Variants in CDH2 observed in about 807,000 individuals in gnomAD.
CDH2 encodes cadherin 2.
Under a neutral mutation model 92.0 loss-of-function variants are expected in CDH2, and 17 were observed. The observed-to-expected ratio is 0.18, with a 90% CI of 0.13 to 0.28. The LOEUF is 0.28. CDH2 is among the 10% of genes least tolerant of loss of function. CDH2 has a pLI of 1.00. For synonymous variants in CDH2, 419 were observed against 415.9 expected (o/e 1.01, Z -0.09); for missense variants, 862 against 1,133.1 (o/e 0.76, Z 3.44).
In CDH2 at chr18:28,003,162, A is replaced by G. The variant is rs1450483151; in HGVS notation, c.855T>C (p.Tyr285=). The change falls in exon 7 of 16, where the codon TAT becomes TAC. Residue 285 remains tyrosine (Y), a synonymous_variant. Transcript: ENST00000269141. Reference sequence around the variant, plus strand: ...CATCAATTGCTGTTACGGTCATCACATATGTTCCTAGAGACAGTGTACATG... The same window carrying G: ...CATCAATTGCTGTTACGGTCATCACGTATGTTCCTAGAGACAGTGTACATG... ...TVPEGSKPGT[Y]VMTVTAIDAD... is the part of the protein sequence containing the mutation. The G allele has an allele frequency of 3.7e-6, 6 of 1,613,582 alleles. No individual in the cohort carries two copies. Among genetic ancestry groups the G allele is most frequent in the Non-Finnish European group, 2.5e-6 (3 of 1,179,552 alleles).
intron 6 of CDH2, among the ~76,000 whole-genome samples, chr18:28,004,162 G>A (rs1385715238): frequency 1.3e-5 from 2 of 152,040 alleles, no homozygotes; most frequent in African/African-American, 2.4e-5. Flanking sequence ...AAAACCTTCA[G>A]TGTGTACTTC....
At chr18:28,110,013 G>T (rs2015384654) in intron 2 of CDH2, among the ~76,000 whole-genome samples, 2 of 152,154 alleles carry the variant, frequency 1.3e-5, no homozygotes, top group Non-Finnish European at 2.9e-5. Context: ...GTCATGGCAA[G>T]AGCATACAAA....
intron 14 of CDH2, 143 bp from the exon 15 acceptor site, chr18:27,963,664 A>ATGT (rs770682891): frequency 5.5e-5 from 35 of 638,260 alleles, no homozygotes; most frequent in Non-Finnish European, 8.4e-5. Flanking sequence ...TGAGTTTTTC[A>ATGT]TGTTATGATT....
At chr18:28,030,328 T>TA in intron 2 of CDH2, among the ~76,000 whole-genome samples, 1 of 152,022 alleles carries the variant, frequency 6.6e-6, no homozygotes, top group African/African-American at 2.4e-5. Context: ...ATTTTTTGTC[T>TA]AAAAAAAGGA....
intron 1 of CDH2, among the ~76,000 whole-genome samples, chr18:28,152,067 A>T (rs1199926069): frequency 6.6e-6 from 1 of 152,226 alleles, no homozygotes; most frequent in Non-Finnish European, 1.5e-5. Flanking sequence ...CCAGACAAAA[A>T]TAATGGCAGC....
intron 2 of CDH2, among the ~76,000 whole-genome samples, chr18:28,082,311 T>A (rs1425292112): frequency 6.6e-6 from 1 of 152,036 alleles, no homozygotes; most frequent in Non-Finnish European, 1.5e-5. Context: ...CTCTGGAGGC[T>A]GAGGTGGGAG....
chr18:28,164,563 T>C (rs1019068219), intron 1 of CDH2, among the ~76,000 whole-genome samples: 1 of 152,100 alleles, frequency 6.6e-6, no homozygotes, highest in Non-Finnish European at 1.5e-5. Flanking sequence ...ATGGTACCAT[T>C]ACACTCAACC....
intron 2 of CDH2, among the ~76,000 whole-genome samples, chr18:28,041,037 A>C (rs2013938206): frequency 6.6e-6 from 1 of 152,224 alleles, no homozygotes; most frequent in Admixed American, 6.5e-5. Flanking sequence ...CTGTGATTCC[A>C]AATCCTGGTA....
chr18:27,942,691 C>T (rs1909169581), intron 6 of CDH2, among the ~76,000 whole-genome samples: 1 of 152,200 alleles, frequency 6.6e-6, no homozygotes, highest in African/African-American at 2.4e-5. Context: ...TGAGTTTCTG[C>T]TAGCAGACTA....
intron 2 of CDH2, among the ~76,000 whole-genome samples, chr18:28,145,488 C>T (rs1358159351): frequency 1.3e-5 from 2 of 152,008 alleles, no homozygotes; most frequent in South Asian, 2.1e-4. Context: ...ACACAGAATT[C>T]ATAGATATAA....
At chr18:28,077,847 C>T (rs896607208) in intron 2 of CDH2, among the ~76,000 whole-genome samples, 5 of 123,540 alleles carry the variant, frequency 4.0e-5, no homozygotes, top group Admixed American at 1.0e-4. Flanking sequence ...GCTGAGATTG[C>T]GTCACTGCAC....
chr18:28,173,843 A>G (rs2016498662), intron 1 of CDH2, among the ~76,000 whole-genome samples: 2 of 152,208 alleles, frequency 1.3e-5, no homozygotes, highest in Non-Finnish European at 2.9e-5. Context: ...AAACCTATGT[A>G]AAGATTTGAA....
At chr18:27,982,676 T>C (rs2012093414) in intron 14 of CDH2, among the ~76,000 whole-genome samples, 1 of 152,058 alleles carries the variant, frequency 6.6e-6, no homozygotes, top group Admixed American at 6.6e-5. Context: ...CTGTAAAGTA[T>C]ATTTATCATT....
At chr18:28,011,585 C>T (rs1472499624) in intron 4 of CDH2, among the ~76,000 whole-genome samples, 1 of 152,098 alleles carries the variant, frequency 6.6e-6, no homozygotes, top group Admixed American at 6.6e-5. Flanking sequence ...GGCTTTAGGG[C>T]TTGTGTAGTC....
At chr18:27,940,938 G>A (rs1478612936) in intron 6 of CDH2, among the ~76,000 whole-genome samples, 1 of 151,792 alleles carries the variant, frequency 6.6e-6, no homozygotes, top group Non-Finnish European at 1.5e-5. Flanking sequence ...TCTCTGGGTT[G>A]TGCCATCAGT....
intron 2 of CDH2, among the ~76,000 whole-genome samples, chr18:28,131,255 T>C (rs2015764693): frequency 6.6e-6 from 1 of 152,100 alleles, no homozygotes; most frequent in African/African-American, 2.4e-5. Context: ...TACTAAAACA[T>C]ACAACTGCTA....
intron 1 of CDH2, among the ~76,000 whole-genome samples, chr18:28,155,846 T>A (rs1030311916): frequency 6.6e-6 from 1 of 152,194 alleles, no homozygotes; most frequent in African/African-American, 2.4e-5. Context: ...TTGGAGGCTA[T>A]GTTAAGAAGA....
intron 2 of CDH2, among the ~76,000 whole-genome samples, chr18:28,102,334 T>C (rs2015240314): frequency 6.6e-6 from 1 of 152,080 alleles, no homozygotes; most frequent in Non-Finnish European, 1.5e-5. Flanking sequence ...TAATAAGAAA[T>C]GAAAATTTCA....
At chr18:27,954,263 G>T (rs1598984086) in intron 15 of CDH2, among the ~76,000 whole-genome samples, 1 of 152,128 alleles carries the variant, frequency 6.6e-6, no homozygotes. Flanking sequence ...CTCAAAACTT[G>T]TAACTCCCTT....
Sources: allele counts gnomAD v4.1 joint callset (sites outside exome capture counted in the v4.1 genomes callset), GRCh38; gene constraint gnomAD v4.1.1; transcripts MANE v1.5; gene names NCBI Gene and HGNC (gene_info 2026-07-23, HGNC 2026-07-21).